The following ZNF554 variants were observed in gnomAD, a reference collection of about 807,000 sequenced individuals.
ZNF554 encodes zinc finger protein 554.
A neutral mutation model predicts 21.2 loss-of-function variants in ZNF554; 15 were observed. The observed-to-expected ratio is 0.71, with a 90% CI of 0.47 to 1.09. The LOEUF (loss-of-function observed/expected upper bound fraction) is 1.09, where lower values mean the gene tolerates loss of function less well. Among genes scored for constraint, ZNF554 ranks in the 50% least tolerant of loss-of-function variants. The pLI is 0.00. For synonymous variants in ZNF554, 258 were observed against 251.4 expected (o/e 1.03, Z -0.25); for missense variants, 691 against 662.7 (o/e 1.04, Z -0.47).
At chr19:2,822,370 A>C (rs2087275841) in intron 1 of ZNF554, among the ~76,000 whole-genome samples, 1 of 152,146 alleles carries the variant, frequency 6.6e-6, no homozygotes, top group African/African-American at 2.4e-5. Context: ...GAGCCTTCAG[A>C]GGGAGTACAG....
intron 2 of ZNF554, among the ~76,000 whole-genome samples, chr19:2,825,726 C>T (rs576761063): frequency 6.6e-6 from 1 of 151,742 alleles, no homozygotes; most frequent in African/African-American, 2.4e-5. Context: ...TGAGCAAAGT[C>T]GGAAGAGTTT....
chr19:2,832,998 C>T (rs1237703061), intron 4 of ZNF554, among the ~76,000 whole-genome samples: 9 of 151,496 alleles, frequency 5.9e-5, no homozygotes. Flanking sequence ...GCCATGACTC[C>T]TGGCCCCATT....
rs766594633 is a variant in ZNF554, at chr19:2,833,664, G to A, written c.446-17G>A. On this transcript the variant is annotated splice_polypyrimidine_tract_variant and intron_variant, in intron 4 of 4. Coordinates refer to ENST00000317243, the MANE Select transcript of ZNF554 (RefSeq NM_001102651.2). ...TTCTTCTTCTAAAAAAATGGTTTCC[G>A]CCTCAATTTATTTCAGATTGGATGA... 3.1e-5 allele frequency: 46 copies of A among 1,504,236 alleles called. No homozygotes were observed. Among genetic ancestry groups the A allele is most frequent in the Admixed American group, 7.0e-5 (3 of 43,102 alleles). The allele number at this position is 1,504,236 out of a possible 1,614,324, so 93.2% of individuals were successfully genotyped here.
chr19:2,827,673 G>A lies in ZNF554; in HGVS notation c.183G>A (p.Leu61=), dbSNP rs774574920. The part of the protein sequence containing the change: ...SMDFSQEEWE[L]LEPAQKNLYR... Reference sequence around the variant, plus strand: ...ACTTCTCCCAGGAGGAGTGGGAGTTGCTGGAGCCTGCTCAGAAGAACCTGT... The same window carrying A: ...ACTTCTCCCAGGAGGAGTGGGAGTTACTGGAGCCTGCTCAGAAGAACCTGT... The change falls in exon 3 of 5, where the codon TTG becomes TTA. Residue 61 remains leucine, a synonymous_variant. Coordinates refer to ENST00000317243, the MANE Select transcript of ZNF554 (RefSeq NM_001102651.2). The A allele has an allele frequency of 7.0e-5, 113 of 1,613,968 alleles. 1 individual carries two copies. In the South Asian group the frequency reaches 1.2e-3, roughly 18 times the overall value.
intron 3 of ZNF554, chr19:2,831,593 CTT>C (rs71179916): frequency 0.042 from 4,817 of 113,408 alleles, 353 homozygotes; most frequent in African/African-American, 0.094. Flanking sequence ...TGCACCCGCC[CTT>C]TTTTTTTTTT....
Position 2,834,556 on chromosome 19 carries a change from T to C in ZNF554, c.1321T>C (p.Cys441Arg). The C allele has an allele frequency of 6.2e-7, 1 of 1,614,124 alleles. No homozygotes were observed. Among genetic ancestry groups the C allele is most frequent in the Non-Finnish European group, 8.5e-7 (1 of 1,180,016 alleles). ...TGEKPYECSE[C>R]GKAFSDRSSL... ...AGAGAAGCCCTACGAATGCAGTGAA[T>C]GTGGAAAGGCCTTCAGTGACCGTTC... The change falls in exon 5 of 5, where the codon TGT (cysteine) becomes CGT (arginine). Residue 441 changes from cysteine to arginine, a missense_variant. Physicochemically the swap from Cys to Arg is radical, Grantham distance 180. Transcript: ENST00000317243.
At chr19:2,822,084 T>C (rs562820402) in intron 1 of ZNF554, among the ~76,000 whole-genome samples, 1 of 151,070 alleles carries the variant, frequency 6.6e-6, no homozygotes, top group African/African-American at 2.4e-5. Context: ...AGAGTCTTGC[T>C]CCATTGCCCA....
At chr19:2,829,552 G>T (rs563462031) in intron 3 of ZNF554, among the ~76,000 whole-genome samples, 1 of 151,820 alleles carries the variant, frequency 6.6e-6, no homozygotes, top group Admixed American at 6.6e-5. Flanking sequence ...CAGGAGAATC[G>T]CTTGAACCCA....
chr19:2,822,283 T>C (rs543078049), intron 1 of ZNF554, among the ~76,000 whole-genome samples: 1 of 152,228 alleles, frequency 6.6e-6, no homozygotes, highest in East Asian at 1.9e-4. Context: ...ACCCCTGGGC[T>C]CAAGTGATCC....
At chr19:2,833,614 G>C in intron 4 of ZNF554, 67 bp from the exon 5 acceptor site, 1 of 1,369,406 alleles carries the variant, frequency 7.3e-7, no homozygotes, top group Non-Finnish European at 9.9e-7. Flanking sequence ...AAGGACTTCT[G>C]TCCCGCTGGT....
chr19:2,834,744 G>C lies in ZNF554; in HGVS notation c.1509G>C (p.Gln503His), dbSNP rs780819115. The C allele has an allele frequency of 3.1e-6, 5 of 1,613,944 alleles. No homozygotes were observed. In the African/African-American group the frequency reaches 4.0e-5, roughly 13 times the overall value. Residue 503 changes from glutamine to histidine, a missense_variant, in exon 5 of 5, where the codon CAG becomes CAC. Coordinates refer to ENST00000317243, the MANE Select transcript of ZNF554 (RefSeq NM_001102651.2). ...RCQECGKAFS[Q>H]SSSLVTHQKT... ...AGGAATGTGGGAAAGCCTTCAGCCAGAGCTCATCCCTTGTCACACATCAGA... is the reference window on the plus strand; with the variant it reads ...AGGAATGTGGGAAAGCCTTCAGCCACAGCTCATCCCTTGTCACACATCAGA...
intron 2 of ZNF554, 114 bp downstream of exon 2, chr19:2,823,226 T>C: frequency 9.4e-7 from 1 of 1,064,690 alleles, no homozygotes; most frequent in East Asian, 2.6e-5. Flanking sequence ...TTCAGGAGAA[T>C]TCCCCAGGAG....
In ZNF554 at chr19:2,834,310, C is replaced by T. The variant is rs766181402; in HGVS notation, c.1075C>T (p.Arg359Ter). Reference protein sequence around the residue: ...EKPYECQECGRAFTHSSTLTR... With the variant: ...EKPYECQECG ...ACCCTACGAGTGTCAGGAGTGTGGG[C>T]GAGCCTTTACGCACAGCTCCACCCT... The change falls in exon 5 of 5, where the codon CGA (arginine) becomes TGA (stop). Residue 359 changes from arginine (R) to a stop codon, truncating the protein, a stop_gained. Transcript: ENST00000317243. LOFTEE classifies it low-confidence loss of function (END_TRUNC). 14 of 1,613,082 alleles carry T rather than the reference C, an allele frequency of 8.7e-6. No homozygotes were observed. Among genetic ancestry groups the T allele is most frequent in the South Asian group, 4.4e-5 (4 of 91,018 alleles).
chr19:2,823,831 G>T (rs2087294231), intron 2 of ZNF554, among the ~76,000 whole-genome samples: 1 of 152,156 alleles, frequency 6.6e-6, no homozygotes, highest in Admixed American at 6.5e-5. Flanking sequence ...CAGAGGGGAG[G>T]AAGTGTGTGC....
chr19:2,832,077 C>T (rs2087427951), intron 3 of ZNF554: 1 of 333,662 alleles, frequency 3.0e-6, no homozygotes, highest in Non-Finnish European at 5.5e-6. Context: ...AGGCATGCAC[C>T]ACCACGCCCA....
rs184287792 is a variant in ZNF554, at chr19:2,836,281, C to G, written c.*1429C>G. On this transcript the variant is annotated 3_prime_UTR_variant, in exon 5 of 5. Coordinates refer to ENST00000317243, the MANE Select transcript of ZNF554 (RefSeq NM_001102651.2). ...AGCCACTGTGCTGGGATTACGGGCG[C>G]GAGCCACTGTGCTGGGATTACAGGT... Among the ~76,000 whole-genome samples the G allele has an allele frequency of 6.8e-6, 1 of 147,648 alleles. No homozygotes were observed. The highest frequency in any genetic ancestry group is 2.0e-4 in the East Asian group (1 of 4,956).
intron 1 of ZNF554, 152 bp downstream of exon 1, chr19:2,820,276 C>G (rs1324136603): frequency 2.8e-6 from 2 of 711,730 alleles, no homozygotes; most frequent in Non-Finnish European, 3.8e-6. Context: ...TCGCCCAGGG[C>G]CCCAACGCCC....
intron 2 of ZNF554, among the ~76,000 whole-genome samples, chr19:2,825,714 T>C (rs962508729): frequency 2.0e-5 from 3 of 152,108 alleles, no homozygotes; most frequent in Non-Finnish European, 2.9e-5. Context: ...GGATTACCAG[T>C]GTGAGCAAAG....
chr19:2,827,792 G>C (rs1012460751), intron 3 of ZNF554, 49 bp downstream of exon 3: 1 of 1,607,980 alleles, frequency 6.2e-7, no homozygotes, highest in East Asian at 2.2e-5. Flanking sequence ...ACATTTATCT[G>C]GTGTATTAGT....
Sources: allele counts gnomAD v4.1 joint callset (sites outside exome capture counted in the v4.1 genomes callset), GRCh38; gene constraint gnomAD v4.1.1; transcripts MANE v1.5; gene names NCBI Gene and HGNC (gene_info 2026-07-23, HGNC 2026-07-21).